The following CDK14 variants were observed in gnomAD, a reference collection of about 807,000 sequenced individuals.
CDK14 encodes the protein cyclin dependent kinase 14, also known as cyclin-dependent kinase 14.
CDK14 carries 34 observed loss-of-function variants against 60.7 expected under a neutral mutation model. That is an observed-to-expected ratio of 0.56 (90% CI 0.43 to 0.75). The LOEUF (loss-of-function observed/expected upper bound fraction) is 0.75, where lower values mean the gene tolerates loss of function less well. Ranked by LOEUF, CDK14 falls within the 30% of genes least tolerant of loss-of-function variation. The pLI is 0.00. For synonymous variants in CDK14, 197 were observed against 203.7 expected, an observed-to-expected ratio of 0.97 and a Z score of 0.28; for missense variants, 482 against 564.1, an observed-to-expected ratio of 0.85 and a Z score of 1.47.
At chr7:91,025,364 A>G (rs774027067) in intron 10 of CDK14, among the ~76,000 whole-genome samples, 14 of 152,132 alleles carry the variant, frequency 9.2e-5, no homozygotes, top group Admixed American at 6.5e-5. Flanking sequence ...AGAAGTGTAC[A>G]TATTAAAAGG....
intron 14 of CDK14, among the ~76,000 whole-genome samples, chr7:91,201,336 G>A (rs569439593): frequency 4.4e-4 from 67 of 152,068 alleles, no homozygotes; most frequent in Middle Eastern, 3.4e-3. Context: ...AGAAATGAGC[G>A]GATTACCTCA....
chr7:90,898,583 TA>T lies in CDK14; in HGVS notation c.640-702del, dbSNP rs551299590. On this transcript the variant is annotated intron_variant, in intron 6 of 14. Coordinates refer to ENST00000380050, the MANE Select transcript of CDK14 (RefSeq NM_001287135.2). Reference sequence around the variant, plus strand: ...AATGTGAATAGTAACTACATGCTTTTAAAAAATTATATATAGTTTATGATAT... The same window carrying T: ...AATGTGAATAGTAACTACATGCTTTTAAAAATTATATATAGTTTATGATAT... Among the ~76,000 whole-genome samples the T allele has an allele frequency of 2.4e-3, 366 of 152,200 alleles. 3 individuals are homozygous for T. The highest frequency in any genetic ancestry group is 5.6e-3 in the South Asian group (27 of 4,822).
chr7:91,124,564 G>A (rs1160285089), intron 14 of CDK14, among the ~76,000 whole-genome samples: 2 of 151,924 alleles, frequency 1.3e-5, no homozygotes, highest in East Asian at 3.9e-4. Flanking sequence ...AGAGGAAACT[G>A]GTTGATGCTT....
chr7:90,741,619 T>C (rs1803348951), intron 3 of CDK14, among the ~76,000 whole-genome samples: 1 of 152,192 alleles, frequency 6.6e-6, no homozygotes, highest in African/African-American at 2.4e-5. Flanking sequence ...TGGACATATT[T>C]AGAGACATAT....
chr7:90,764,717 G>T (rs1804481103), intron 4 of CDK14, among the ~76,000 whole-genome samples: 2 of 152,126 alleles, frequency 1.3e-5, no homozygotes, highest in Non-Finnish European at 2.9e-5. Context: ...CTTCCTTCTA[G>T]AGTTCTGAGG....
At chr7:90,630,243 T>C (rs1423043731) in intron 2 of CDK14, among the ~76,000 whole-genome samples, 1 of 152,124 alleles carries the variant, frequency 6.6e-6, no homozygotes, top group Non-Finnish European at 1.5e-5. Flanking sequence ...AGGCAGCTTT[T>C]TTGTTGTACA....
At position 90,710,902 on chromosome 7, in the gene CDK14, T is replaced by C. The variant is rs560899246; in HGVS notation, c.124-15665T>C. 4.6e-5 allele frequency among the ~76,000 whole-genome samples: 7 copies of C among 152,214 alleles called. 1 individual carries two copies. Among genetic ancestry groups the C allele is most frequent in the Admixed American group, 4.6e-4 (7 of 15,288 alleles). ...GAACTTGAAGGACATGTTTTAATAG[T>C]GTTCAAAGTGAGATTAATAACATTA... On this transcript the variant is annotated intron_variant, in intron 2 of 14. Coordinates refer to ENST00000380050, the MANE Select transcript of CDK14 (RefSeq NM_001287135.2).
chr7:90,838,083 A>C (rs1291782855), intron 5 of CDK14, among the ~76,000 whole-genome samples: 1 of 152,170 alleles, frequency 6.6e-6, no homozygotes, highest in Non-Finnish European at 1.5e-5. Flanking sequence ...AGGGACCCCA[A>C]ATGGAGGGAC....
intron 8 of CDK14, among the ~76,000 whole-genome samples, chr7:90,953,635 G>A (rs1243239275): frequency 6.6e-6 from 1 of 151,968 alleles, no homozygotes; most frequent in Non-Finnish European, 1.5e-5. Flanking sequence ...AACTAGCCTG[G>A]TCTGAGCTGT....
intron 5 of CDK14, among the ~76,000 whole-genome samples, chr7:90,855,630 A>G (rs770376560): frequency 2.0e-5 from 3 of 152,226 alleles, no homozygotes; most frequent in Non-Finnish European, 2.9e-5. Context: ...ACTGGTTTGA[A>G]TATTAATGTT....
In CDK14 at chr7:91,091,721, A is replaced by AGAAGGAAGGAAG. The variant is rs869034752; in HGVS notation, c.1154+12274_1154+12285dup. ...AGGAAGGAAGGAGGGAGGGAAGGAAAGAAGGAAGGAAGGAAGGAAGGAAGG... is the reference window on the plus strand; with the variant it reads ...AGGAAGGAAGGAGGGAGGGAAGGAAAGAAGGAAGGAAGGAAGGAAGGAAGGAAGGAAGGAAGG... On this transcript the variant is annotated intron_variant, in intron 12 of 14. Coordinates refer to ENST00000380050, the MANE Select transcript of CDK14 (RefSeq NM_001287135.2). Among the ~76,000 whole-genome samples the AGAAGGAAGGAAG allele has an allele frequency of 8.1e-3, 841 of 103,706 alleles. 4 individuals are homozygous for AGAAGGAAGGAAG. Among genetic ancestry groups the AGAAGGAAGGAAG allele is most frequent in the African/African-American group, 0.021 (572 of 26,718 alleles). The allele number at this position is 103,706 out of a possible 152,430, so 68.0% of individuals were successfully genotyped here.
intron 6 of CDK14, among the ~76,000 whole-genome samples, chr7:90,878,118 G>A (rs1791625538): frequency 6.6e-6 from 1 of 151,956 alleles, no homozygotes; most frequent in Admixed American, 6.6e-5. Flanking sequence ...GAGACAGAGA[G>A]AGAGAGAGAA....
chr7:90,920,436 C>T (rs983197136), intron 8 of CDK14, among the ~76,000 whole-genome samples: 6 of 152,178 alleles, frequency 3.9e-5, no homozygotes, highest in African/African-American at 1.4e-4. Flanking sequence ...ATATGCTACA[C>T]ACTTAGAAAT....
At chr7:91,114,956 T>G (rs1193607200) in intron 13 of CDK14, among the ~76,000 whole-genome samples, 1 of 152,188 alleles carries the variant, frequency 6.6e-6, no homozygotes, top group African/African-American at 2.4e-5. Context: ...TTCTGCAGAG[T>G]ATATTTAGAA....
At chr7:90,729,353 T>TG (rs1308263045) in intron 3 of CDK14, among the ~76,000 whole-genome samples, 7 of 123,184 alleles carry the variant, frequency 5.7e-5, no homozygotes, top group African/African-American at 2.3e-4. Context: ...GGTTTTTTTT[T>TG]TTTTTTTTTT....
At chr7:90,991,359 A>G (rs1318913628) in intron 10 of CDK14, among the ~76,000 whole-genome samples, 1 of 152,124 alleles carries the variant, frequency 6.6e-6, no homozygotes, top group East Asian at 1.9e-4. Context: ...AAGAAGGTAG[A>G]GGGAAATGCA....
chr7:91,160,906 A>G (rs1210247546), intron 14 of CDK14, among the ~76,000 whole-genome samples: 2 of 152,124 alleles, frequency 1.3e-5, no homozygotes, highest in South Asian at 2.1e-4. Flanking sequence ...TATTTATACA[A>G]TTGTTTATCA....
intron 14 of CDK14, among the ~76,000 whole-genome samples, chr7:91,206,958 G>A (rs1237643313): frequency 6.6e-6 from 1 of 152,160 alleles, no homozygotes; most frequent in African/African-American, 2.4e-5. Context: ...AGAGAGGAAA[G>A]TGTAGTCAGA....
chr7:90,850,116 C>T (rs1790601191), intron 5 of CDK14, among the ~76,000 whole-genome samples: 2 of 151,926 alleles, frequency 1.3e-5, no homozygotes, highest in Admixed American at 6.6e-5. Flanking sequence ...TTTTAAAATT[C>T]TGTGACATCT....
Sources: allele counts gnomAD v4.1 joint callset (sites outside exome capture counted in the v4.1 genomes callset), GRCh38; gene constraint gnomAD v4.1.1; transcripts MANE v1.5; gene names NCBI Gene and HGNC (gene_info 2026-07-23, HGNC 2026-07-21).